Variants in PPP2R1B observed in about 807,000 individuals in gnomAD.
PPP2R1B encodes protein phosphatase 2 scaffold subunit Abeta.
A neutral mutation model predicts 72.7 loss-of-function variants in PPP2R1B; 58 were observed. The observed-to-expected ratio is 0.80, with a 90% CI of 0.65 to 0.99. The LOEUF is 0.99. PPP2R1B is among the 50% of genes least tolerant of loss of function. PPP2R1B has a pLI of 0.00. For missense variants in PPP2R1B, 695 were observed against 733.6 expected (o/e 0.95, Z 0.61); for synonymous variants, 256 against 264.6 (o/e 0.97, Z 0.32).
At chr11:111,732,659 C>T (rs566971944) in intron 15 of PPP2R1B, among the ~76,000 whole-genome samples, 1 of 152,324 alleles carries the variant, frequency 6.6e-6, no homozygotes, top group African/African-American at 2.4e-5. Context: ...CCACTGCACT[C>T]CAGCCTGAGC....
rs1944932369 is a variant in PPP2R1B at position 111,752,181 on chromosome 11, A to G, written c.1316T>C (p.Met439Thr). 3 of 1,613,256 alleles carry G rather than the reference A, an allele frequency of 1.9e-6. No individual in the cohort carries two copies. Residue 439 changes from methionine (M) to threonine (T), a missense_variant, in exon 10 of 15, where the codon ATG becomes ACG. Physicochemically the swap from Met to Thr is moderately conservative, Grantham distance 81 (BLOSUM62 -1). Coordinates refer to ENST00000527614, the MANE Select transcript of PPP2R1B (RefSeq NM_002716.5). ...WRVRLAIIEY[M>T]PLLAGQLGVE... ...CACCAGCTGGCCTGCCAGCAGCGGC[A>G]TATACTCAATGATGGCCAGGCGGAC...
chr11:111,760,588 G>A (rs1945287374), intron 4 of PPP2R1B, among the ~76,000 whole-genome samples: 1 of 151,948 alleles, frequency 6.6e-6, no homozygotes, highest in Admixed American at 6.6e-5. Context: ...GTTCAAGGTT[G>A]CAGTGAGCTA....
At chr11:111,744,618 G>A (rs1185846677) in intron 11 of PPP2R1B, among the ~76,000 whole-genome samples, 1 of 152,158 alleles carries the variant, frequency 6.6e-6, no homozygotes, top group East Asian at 1.9e-4. Context: ...ACAAATCGAG[G>A]GTGGTAGGTA....
downstream of PPP2R1B, chr11:111,737,650 G>A (rs2136028255): frequency 6.3e-7 from 1 of 1,593,676 alleles, no homozygotes; most frequent in East Asian, 2.2e-5. Context: ...TCCCAGCCAG[G>A]ATGCCCTCAG....
At chr11:111,745,622 C>T (rs891404138) in intron 11 of PPP2R1B, among the ~76,000 whole-genome samples, 2 of 152,150 alleles carry the variant, frequency 1.3e-5, no homozygotes, top group Non-Finnish European at 2.9e-5. Context: ...CCTCTCAAGG[C>T]CTGGCTGACC....
the PPP2R1B span, among the ~76,000 whole-genome samples, chr11:111,721,481 C>A: frequency 7.2e-5 from 11 of 152,200 alleles, no homozygotes; most frequent in Non-Finnish European, 1.5e-4. Flanking sequence ...ATTATTCATA[C>A]TAAAAATACA....
chr11:111,763,228 G>A (rs1945392115), intron 3 of PPP2R1B, among the ~76,000 whole-genome samples: 2 of 152,192 alleles, frequency 1.3e-5, no homozygotes, highest in African/African-American at 4.8e-5. Flanking sequence ...GGTCCTAAGG[G>A]AATAATGAGC....
At chr11:111,724,383 G>T, downstream of PPP2R1B, 1 of 522,346 alleles carries the variant, frequency 1.9e-6, no homozygotes, top group Admixed American at 3.4e-5. Context: ...GTCGAGTGGA[G>T]CAAGCTCTCG....
the PPP2R1B span, among the ~76,000 whole-genome samples, chr11:111,691,723 A>G: frequency 6.6e-6 from 1 of 152,206 alleles, no homozygotes; most frequent in African/African-American, 2.4e-5. Flanking sequence ...TCTTGCCCAC[A>G]CTTAATTCTC....
chr11:111,733,070 C>G (rs75461705), downstream of PPP2R1B, among the ~76,000 whole-genome samples: 3,898 of 152,300 alleles, frequency 0.026, 80 homozygotes, highest in Non-Finnish European at 0.036. Context: ...ACTGGCACAC[C>G]TGCCTCCCCC....
In PPP2R1B at chr11:111,765,290, A is replaced by G. The variant is rs1203085871; in HGVS notation, c.205+4T>C. 1.9e-6 allele frequency: 3 copies of G among 1,603,682 alleles called. No homozygotes were observed. Among genetic ancestry groups the G allele is most frequent in the African/African-American group, 1.3e-5 (1 of 74,632 alleles). ...TACCTTTCTTTAAACAAAGATTCAC[A>G]TACCTGTAAGAAATGGCAACAATTC... is the stretch of plus-strand genomic sequence containing the variant. On this transcript the variant is annotated splice_donor_region_variant and intron_variant, in intron 2 of 14. Coordinates refer to ENST00000527614, the MANE Select transcript of PPP2R1B (RefSeq NM_002716.5).
the PPP2R1B span, among the ~76,000 whole-genome samples, chr11:111,717,521 G>A: frequency 6.6e-6 from 1 of 152,082 alleles, no homozygotes; most frequent in Non-Finnish European, 1.5e-5. Flanking sequence ...AACCATTGTG[G>A]AAGACAGTGT....
the PPP2R1B span, among the ~76,000 whole-genome samples, chr11:111,708,258 T>C: frequency 6.6e-6 from 1 of 152,080 alleles, no homozygotes; most frequent in African/African-American, 2.4e-5. Flanking sequence ...AGTGCGTGCT[T>C]ATAATCCCAG....
chr11:111,751,431 C>T (rs1944903167), intron 10 of PPP2R1B, among the ~76,000 whole-genome samples: 1 of 152,102 alleles, frequency 6.6e-6, no homozygotes, highest in Non-Finnish European at 1.5e-5. Flanking sequence ...TTCTGTAATA[C>T]AGATTAAGCA....
downstream of PPP2R1B, chr11:111,726,856 C>G: frequency 1.1e-6 from 1 of 949,998 alleles, no homozygotes; most frequent in Admixed American, 2.0e-5. Flanking sequence ...AAACCAGGCT[C>G]CTCTGAAGAG....
At chr11:111,722,876 T>C, downstream of PPP2R1B, 1 of 863,524 alleles carries the variant, frequency 1.2e-6, no homozygotes. The surrounding 1 kb of genome is among the most constrained non-coding windows in gnomAD (Gnocchi z 4.4). Context: ...TTTCTGCGTG[T>C]GTCACAGGCC....
chr11:111,762,650 G>A (rs1405172645), intron 3 of PPP2R1B, among the ~76,000 whole-genome samples: 5 of 150,228 alleles, frequency 3.3e-5, no homozygotes, highest in Middle Eastern at 6.9e-3. Context: ...CAGACTCCTC[G>A]TCCTTCTGCC....
Position 111,738,706 on chromosome 11 carries a change from T to G in PPP2R1B, c.*2890A>C, listed in dbSNP as rs185073453. On this transcript the variant is annotated 3_prime_UTR_variant, in exon 15 of 15. Coordinates refer to ENST00000527614, the MANE Select transcript of PPP2R1B (RefSeq NM_002716.5). ...TTAGAAACCACATATTCACCTGCCT[T>G]CCTTCTTATGAAACAAGATGCATCC... The G allele has an allele frequency of 6.1e-6, 6 of 985,442 alleles. No individual in the cohort carries two copies. Among genetic ancestry groups the G allele is most frequent in the East Asian group, 1.1e-4 (1 of 8,818 alleles). The allele number at this position is 985,442 out of a possible 1,614,324, so 61.0% of individuals were successfully genotyped here.
intron 8 of PPP2R1B, among the ~76,000 whole-genome samples, chr11:111,753,812 T>C (rs1221484354): frequency 6.6e-6 from 1 of 151,970 alleles, no homozygotes; most frequent in Non-Finnish European, 1.5e-5. Flanking sequence ...AGAGACAGGT[T>C]CTTACTACAT....
Sources: allele counts gnomAD v4.1 joint callset (sites outside exome capture counted in the v4.1 genomes callset), GRCh38; gene constraint gnomAD v4.1.1; non-coding constraint Gnocchi (gnomAD v3.1); transcripts MANE v1.5; gene names NCBI Gene and HGNC (gene_info 2026-07-23, HGNC 2026-07-21).